The following RSF1 variants were observed in gnomAD, a reference collection of about 807,000 sequenced individuals.
RSF1 encodes HBV pX-associated protein 8.
In RSF1, 13 loss-of-function variants were observed where a neutral mutation model predicts 145.2. The observed-to-expected ratio is 0.09, with a 90% CI of 0.06 to 0.14. The LOEUF (loss-of-function observed/expected upper bound fraction) is 0.14. Among genes scored for constraint, RSF1 ranks in the 10% least tolerant of loss-of-function variants. RSF1 has a pLI of 1.00. For synonymous variants in RSF1, 577 were observed against 592.6 expected (o/e 0.97, Z 0.38); for missense variants, 1,517 against 1,718.2 (o/e 0.88, Z 2.07).
At chr11:77,771,198 TC>T (rs1264052310) in intron 1 of RSF1, among the ~76,000 whole-genome samples, 1 of 152,202 alleles carries the variant, frequency 6.6e-6, no homozygotes, top group Non-Finnish European at 1.5e-5. Flanking sequence ...AACTAATTTC[TC>T]TGCCCAGTAA....
intron 1 of RSF1, among the ~76,000 whole-genome samples, chr11:77,782,855 A>C (rs1250446789): frequency 2.0e-5 from 3 of 152,182 alleles, no homozygotes; most frequent in African/African-American, 4.8e-5. Flanking sequence ...ATATTCTTTA[A>C]TGTCTGACTC....
upstream of RSF1, among the ~76,000 whole-genome samples, chr11:77,821,411 G>T (rs1001179460): frequency 4.6e-5 from 7 of 152,130 alleles, no homozygotes; most frequent in Non-Finnish European, 1.0e-4. Context: ...TGGGACCTCG[G>T]TAAGATGTCT....
At chr11:77,863,426 T>A in the RSF1 span, among the ~76,000 whole-genome samples, 5 of 152,064 alleles carry the variant, frequency 3.3e-5, no homozygotes, top group African/African-American at 1.2e-4. Context: ...GTTGCAAGAT[T>A]TAAGAGTGAA....
Position 77,761,103 on chromosome 11 carries a change from A to AT in RSF1, c.279+3494dup, listed in dbSNP as rs575760474. ...GGGCGCTTGCCACCACGCCCAGCTA[A>AT]TTTTTTTTTGTATTTTCAGTAGGGA... is the stretch of plus-strand genomic sequence containing the variant. On this transcript the variant is annotated intron_variant, in intron 2 of 15. Transcript: ENST00000308488. Among the ~76,000 whole-genome samples the AT allele has an allele frequency of 9.5e-4, 144 of 150,794 alleles. 2 individuals carry two copies. The East Asian group carries it at 0.021, about 22-fold the overall frequency.
chr11:77,691,384 T>C (rs780994633), intron 8 of RSF1, 146 bp from the exon 9 acceptor site: 1 of 642,756 alleles, frequency 1.6e-6, no homozygotes. Flanking sequence ...TTGTGTTTAA[T>C]TAAACACACC....
chr11:77,683,637 A>C (rs745362843), intron 11 of RSF1, 73 bp downstream of exon 11: 2 of 904,568 alleles, frequency 2.2e-6, no homozygotes, highest in Non-Finnish European at 3.5e-6. Context: ...GAAAAAGCAT[A>C]TACTTCTGGA....
At chr11:77,741,782 A>C (rs184783883) in intron 3 of RSF1, among the ~76,000 whole-genome samples, 3 of 152,116 alleles carry the variant, frequency 2.0e-5, no homozygotes, top group Non-Finnish European at 4.4e-5. Flanking sequence ...ATGTTATACA[A>C]CTGATCTCCT....
chr11:77,677,083 T>C lies in RSF1; in HGVS notation c.3134-84A>G, dbSNP rs111667640. On this transcript the variant is annotated intron_variant, in intron 12 of 15. Transcript: ENST00000308488. ...CTTTAATTTCTAGAGACAGTCCTTA[T>C]TCATGCTTAGCAGCTCTTCATTTCT... is the stretch of plus-strand genomic sequence containing the variant. The C allele has an allele frequency of 6.9e-4, 715 of 1,029,590 alleles. 2 individuals are homozygous for C. The African/African-American group carries it at 0.01, about 15-fold the overall frequency. 63.8% of individuals were successfully genotyped at this position (1,029,590 alleles called of 1,614,324 possible).
At chr11:77,753,555 C>G (rs902052894) in intron 2 of RSF1, among the ~76,000 whole-genome samples, 1 of 152,170 alleles carries the variant, frequency 6.6e-6, no homozygotes, top group Non-Finnish European at 1.5e-5. Flanking sequence ...CAATACAAAT[C>G]TGTAAACTTT....
intron 4 of RSF1, among the ~76,000 whole-genome samples, chr11:77,733,360 A>ATG (rs1491143620): frequency 5.4e-5 from 8 of 148,670 alleles, no homozygotes; most frequent in Non-Finnish European, 1.2e-4. Context: ...ATATATATAT[A>ATG]TTCTTTATGA....
At chr11:77,777,036 T>A (rs1050874037) in intron 1 of RSF1, among the ~76,000 whole-genome samples, 1 of 152,076 alleles carries the variant, frequency 6.6e-6, no homozygotes, top group Non-Finnish European at 1.5e-5. Context: ...AAGGACAGAC[T>A]AGTACAATAA....
chr11:77,668,653 C>T (rs1959437413), intron 15 of RSF1, among the ~76,000 whole-genome samples: 1 of 152,112 alleles, frequency 6.6e-6, no homozygotes, highest in South Asian at 2.1e-4. Flanking sequence ...ATTCACTAAA[C>T]AATACAGTAT....
intron 1 of RSF1, among the ~76,000 whole-genome samples, chr11:77,805,698 G>T (rs1948670816): frequency 6.6e-6 from 1 of 152,132 alleles, no homozygotes; most frequent in Admixed American, 6.6e-5. Context: ...TGCAAAATAT[G>T]ATATATTGCT....
chr11:77,691,972 CCT>C (rs1693951059), intron 8 of RSF1, among the ~76,000 whole-genome samples: 1 of 152,096 alleles, frequency 6.6e-6, no homozygotes, highest in East Asian at 1.9e-4. Context: ...CTTACCGCAA[CCT>C]CTGTCTCCCA....
At chr11:77,703,988 A>G (rs1960483632) in intron 5 of RSF1, among the ~76,000 whole-genome samples, 1 of 152,192 alleles carries the variant, frequency 6.6e-6, no homozygotes, top group South Asian at 2.1e-4. Flanking sequence ...AATACTGATT[A>G]CTATCTTTAA....
intron 1 of RSF1, among the ~76,000 whole-genome samples, chr11:77,779,384 A>C (rs1309695191): frequency 7.0e-6 from 1 of 142,468 alleles, no homozygotes; most frequent in Non-Finnish European, 1.5e-5. Flanking sequence ...TCTAAAAAAA[A>C]TTTTTTTTTT....
In RSF1 at chr11:77,766,706, A is replaced by C. The variant is rs183962041; in HGVS notation, c.188-2017T>G. 5.3e-5 allele frequency among the ~76,000 whole-genome samples: 8 copies of C among 152,346 alleles called. No individual in the cohort carries two copies. In the East Asian group the frequency reaches 1.5e-3, roughly 29 times the overall value. On this transcript the variant is annotated intron_variant, in intron 1 of 15. Coordinates refer to ENST00000308488, the MANE Select transcript of RSF1 (RefSeq NM_016578.4). ...GGACATAGATAATTACAGCCTAATG[A>C]GGCCAGGCTCAGAAGTTTAGATTTT...
Position 77,678,259 on chromosome 11 carries a change from C to A in RSF1, c.3066-106G>T, listed in dbSNP as rs1959766365. ...TTGAGACGGAGTCTCTCTTTGTTGC[C>A]AGGCTGGAGTGCAGTGGCGCCATCT... is the stretch of plus-strand genomic sequence containing the variant. On this transcript the variant is annotated intron_variant, in intron 11 of 15. Transcript: ENST00000308488. The A allele has an allele frequency of 1.0e-5, 6 of 593,334 alleles. No homozygotes were observed. The South Asian group carries it at 2.0e-4, about 19-fold the overall frequency. The allele number at this position is 593,334 out of a possible 1,614,324, so 36.8% of individuals were successfully genotyped here.
Position 77,667,269 on chromosome 11 carries a change from C to G in RSF1, c.3974G>C (p.Ser1325Thr), listed in dbSNP as rs759684573. 5.0e-6 allele frequency: 8 copies of G among 1,614,206 alleles called. No individual in the cohort carries two copies. The highest frequency in any genetic ancestry group is 5.9e-6 in the Non-Finnish European group (7 of 1,180,026). Residue 1325 changes from serine to threonine, a missense_variant, in exon 16 of 16, where the codon AGC becomes ACC. Around this residue, in one of 12 missense-constraint regions of RSF1, gnomAD observed 240 missense variants for 231.8 expected, o/e 1.04. Transcript: ENST00000308488. ...HGDANQPARD[S>T]QPRVLPSEQE... ...TTCTGAGGGCAGGACCCTAGGCTGG[C>G]TGTCACGGGCAGGCTGATTTGCATC...
Sources: gnomAD v4.1 joint callset for allele counts (sites outside exome capture counted in the v4.1 genomes callset) on GRCh38, gnomAD v4.1.1 for gene constraint, gnomAD v4.1.1 regional missense constraint, MANE v1.5 for transcripts, NCBI Gene and HGNC (gene_info 2026-07-23, HGNC 2026-07-21) for gene names.